The following JAKMIP1 variants were observed in gnomAD, a reference collection of about 807,000 sequenced individuals.
JAKMIP1 encodes the protein janus kinase and microtubule interacting protein 1, also known as janus kinase and microtubule-interacting protein 1.
JAKMIP1 carries 33 observed loss-of-function variants against 113.0 expected under a neutral mutation model. That is an observed-to-expected ratio of 0.29 (90% CI 0.22 to 0.39). The LOEUF (loss-of-function observed/expected upper bound fraction) is 0.39, where lower values mean the gene tolerates loss of function less well. Among genes scored for constraint, JAKMIP1 ranks in the 10% least tolerant of loss-of-function variants. The pLI, the probability that JAKMIP1 is intolerant of heterozygous loss-of-function variation, is 1.00. For missense variants in JAKMIP1, 813 were observed against 1,080.5 expected (o/e 0.75, Z 3.47); for synonymous variants, 480 against 459.9 (o/e 1.04, Z -0.56).
chr4:6,183,397 T>A lies in JAKMIP1; in HGVS notation c.-148+16856A>T, dbSNP rs1726266097. Among the ~76,000 whole-genome samples the A allele has an allele frequency of 1.3e-5, 2 of 151,838 alleles. No individual in the cohort carries two copies. The highest frequency in any genetic ancestry group is 1.3e-4 in the Admixed American group (2 of 15,248). On this transcript the variant is annotated intron_variant, in intron 1 of 20. Transcript: ENST00000409021. The surrounding 1 kb of genome is among the most constrained non-coding windows in gnomAD (Gnocchi z 5.3). ...GGGAGGCCGAGGCAGGAGAGTCGCTTGAACCTGGGAGGCAGAGGTTACAGT... is the reference window on the plus strand; with the variant it reads ...GGGAGGCCGAGGCAGGAGAGTCGCTAGAACCTGGGAGGCAGAGGTTACAGT...
At position 6,184,516 on chromosome 4, in the gene JAKMIP1, T is replaced by C. The variant is rs918210602; in HGVS notation, c.-148+15737A>G. On this transcript the variant is annotated intron_variant, in intron 1 of 20. Coordinates refer to ENST00000409021, the MANE Select transcript of JAKMIP1 (RefSeq NM_001099433.2). The surrounding 1 kb of genome is among the most constrained non-coding windows in gnomAD (Gnocchi z 4.5). ...CCTTCCCTCTTCCTCAAGAAAATAC[T>C]AGAAGCCAAGCACACCCTCCACCCT... Among the ~76,000 whole-genome samples, 6 of 152,248 alleles carry C rather than the reference T, an allele frequency of 3.9e-5. No individual in the cohort carries two copies. The highest frequency in any genetic ancestry group is 1.4e-4 in the African/African-American group (6 of 41,564).
intron 3 of JAKMIP1, among the ~76,000 whole-genome samples, chr4:6,100,850 T>C (rs1408336457): frequency 6.6e-6 from 1 of 152,204 alleles, no homozygotes; most frequent in African/African-American, 2.4e-5. Flanking sequence ...CACATATTTG[T>C]TAGTCATTTA....
chr4:6,169,603 TTGTGTGTGTGTG>T (rs71173413), intron 1 of JAKMIP1, among the ~76,000 whole-genome samples: 41 of 137,376 alleles, frequency 3.0e-4, no homozygotes, highest in Middle Eastern at 3.5e-3. Context: ...CCCTAGGAAA[TTGTGTGTGTGTG>T]TGTGTGTGTG....
rs755827795 is a variant in JAKMIP1 at position 6,150,637 on chromosome 4, C to G, written c.-147-37640G>C. On this transcript the variant is annotated intron_variant, in intron 1 of 20. Coordinates refer to ENST00000409021, the MANE Select transcript of JAKMIP1 (RefSeq NM_001099433.2). The surrounding 1 kb of genome is among the most constrained non-coding windows in gnomAD (Gnocchi z 4.8). ...ACGGGGCCGGCAGCACCTGCATCAG[C>G]GTCTGTCTGGCTTCCTCTTCAAAAC... 1 of 152,246 alleles carries G rather than the reference C, an allele frequency of 6.6e-6. No homozygotes were observed. Among genetic ancestry groups the G allele is most frequent in the East Asian group, 1.9e-4 (1 of 5,192 alleles). The allele number at this position is 152,246 out of a possible 1,614,324, so 9.4% of individuals were successfully genotyped here.
rs1726799475 is a variant in JAKMIP1 at position 6,187,702 on chromosome 4, C to T, written c.-148+12551G>A. ...CTCTAGAACTGTGAGAAATAAATTT[C>T]TATTGTTTATAAGCTATCCAGTCTA... On this transcript the variant is annotated intron_variant, in intron 1 of 20. Coordinates refer to ENST00000409021, the MANE Select transcript of JAKMIP1 (RefSeq NM_001099433.2). This position sits in a 1 kb window ranked among gnomAD's most constrained non-coding sequence, Gnocchi z 4.2. Among the ~76,000 whole-genome samples, 1 of 152,230 alleles carries T rather than the reference C, an allele frequency of 6.6e-6. No individual in the cohort carries two copies. The highest frequency in any genetic ancestry group is 1.5e-5 in the Non-Finnish European group (1 of 68,032).
At chr4:6,120,939 C>T (rs1716622082) in intron 1 of JAKMIP1, among the ~76,000 whole-genome samples, 1 of 152,146 alleles carries the variant, frequency 6.6e-6, no homozygotes, top group South Asian at 2.1e-4. Flanking sequence ...AGTGCTCACA[C>T]CTGTAATCCC....
chr4:6,126,376 A>AACACACACCATGCAGAAACACTCAC (rs1287751613), intron 1 of JAKMIP1, among the ~76,000 whole-genome samples: 3 of 134,806 alleles, frequency 2.2e-5, no homozygotes, highest in African/African-American at 8.6e-5. Flanking sequence ...CACATGCACA[A>AACACACACCATGCAGAAACACTCAC]ACACACATCA....
intron 18 of JAKMIP1, among the ~76,000 whole-genome samples, chr4:6,038,086 A>G (rs1323770311): frequency 2.9e-5 from 4 of 137,932 alleles, no homozygotes; most frequent in East Asian, 2.1e-4. Flanking sequence ...AGGTTAACCC[A>G]GTAGCCCTCC....
rs1380749134 is a variant in JAKMIP1 at position 6,135,397 on chromosome 4, A to T, written c.-147-22400T>A. On this transcript the variant is annotated intron_variant, in intron 1 of 20. Transcript: ENST00000409021. The surrounding 1 kb of genome is among the most constrained non-coding windows in gnomAD (Gnocchi z 4.9). The stretch of plus-strand genomic sequence containing the variant: ...AGGAGAGAGGCTTCGGAAGAAACCA[A>T]CCCTGGTGGCAGCTTGATCTCGGAC... Among the ~76,000 whole-genome samples, 1 of 152,114 alleles carries T rather than the reference A, an allele frequency of 6.6e-6. No homozygotes were observed. The highest frequency in any genetic ancestry group is 1.5e-5 in the Non-Finnish European group (1 of 68,022).
chr4:6,050,578 C>G lies in JAKMIP1; in HGVS notation c.1908G>C (p.Lys636Asn). ...LQLFCHQEGV[K>N]DVNVSELMKK... ...CAGAGGCACCCCCCAGGCACGCTAC[C>G]TTAACTCCTTCCTGGTGACAGAACA... The change falls in exon 14 of 21, where the codon AAG (lysine) becomes AAC (asparagine). Residue 636 changes from lysine (K) to asparagine (N), a missense_variant and splice_region_variant. Around this residue, in one of 2 missense-constraint regions of JAKMIP1, gnomAD observed 273 missense variants for 426.6 expected, o/e 0.64. Transcript: ENST00000409021. The surrounding 1 kb of genome is among the most constrained non-coding windows in gnomAD (Gnocchi z 7.4). 1 of 1,564,334 alleles carries G rather than the reference C, an allele frequency of 6.4e-7. No homozygotes were observed. Among genetic ancestry groups the G allele is most frequent in the Non-Finnish European group, 8.7e-7 (1 of 1,153,878 alleles).
At chr4:6,125,119 G>A (rs1717222458) in intron 1 of JAKMIP1, among the ~76,000 whole-genome samples, 7 of 152,184 alleles carry the variant, frequency 4.6e-5, no homozygotes, top group Admixed American at 3.9e-4. Context: ...TGATGTGGAG[G>A]TCAGGGAGGG....
intron 1 of JAKMIP1, 136 bp from the exon 2 acceptor site, chr4:6,113,133 C>A: frequency 2.5e-6 from 1 of 396,028 alleles, no homozygotes; most frequent in Non-Finnish European, 4.5e-6. Flanking sequence ...TAGAGCCTTC[C>A]CGATGGGGGC....
rs894551965 is a variant in JAKMIP1 at position 6,149,199 on chromosome 4, A to G, written c.-147-36202T>C. On this transcript the variant is annotated intron_variant, in intron 1 of 20. Coordinates refer to ENST00000409021, the MANE Select transcript of JAKMIP1 (RefSeq NM_001099433.2). ...TTTAAAATAAGTAAGCTTTTTAACT[A>G]CATACAATTAAATTAAAATGAGTGA... Among the ~76,000 whole-genome samples the G allele has an allele frequency of 3.3e-5, 5 of 152,364 alleles. No individual in the cohort carries two copies. In the South Asian group the frequency reaches 1.0e-3, roughly 32 times the overall value.
intron 8 of JAKMIP1, among the ~76,000 whole-genome samples, chr4:6,074,593 T>C (rs945214753): frequency 7.2e-5 from 11 of 152,208 alleles, no homozygotes; most frequent in South Asian, 2.1e-4. Flanking sequence ...CTCAAATCCA[T>C]GGCTGCTCAA....
intron 1 of JAKMIP1, among the ~76,000 whole-genome samples, chr4:6,151,277 A>G (rs1721544562): frequency 6.6e-6 from 1 of 152,174 alleles, no homozygotes; most frequent in South Asian, 2.1e-4. Context: ...CACTTTCCCT[A>G]CGGAAAAACT....
At chr4:6,170,590 A>G (rs1004761455) in intron 1 of JAKMIP1, among the ~76,000 whole-genome samples, 15 of 146,142 alleles carry the variant, frequency 1.0e-4, no homozygotes, top group Admixed American at 8.8e-4. Flanking sequence ...TACACCCACC[A>G]TTGTCCTCAA....
In JAKMIP1 at chr4:6,076,497, C is replaced by T. The variant is rs1719714816; in HGVS notation, c.1302+2442G>A. On this transcript the variant is annotated intron_variant, in intron 8 of 20. Transcript: ENST00000409021. The surrounding 1 kb of genome is among the most constrained non-coding windows in gnomAD (Gnocchi z 4.8). ...AATTCAATGAGATTGTTTAAATACC[C>T]ACTCATCTGAGAATCCAGGACCTAG... 6.6e-6 allele frequency among the ~76,000 whole-genome samples: 1 copy of T among 152,032 alleles called. No homozygotes were observed. Among genetic ancestry groups the T allele is most frequent in the Admixed American group, 6.6e-5 (1 of 15,256 alleles).
rs1410550040 is a variant in JAKMIP1 at position 6,158,557 on chromosome 4, A to G, written c.-148+41696T>C. On this transcript the variant is annotated intron_variant, in intron 1 of 20. Transcript: ENST00000409021. This position sits in a 1 kb window ranked among gnomAD's most constrained non-coding sequence, Gnocchi z 5.3. The stretch of plus-strand genomic sequence containing the variant: ...CATGATTCACTGGAAAGAAAGGATG[A>G]GGTATTCCAGAGGGCCTGCGGGAGT... Among the ~76,000 whole-genome samples, 1 of 152,054 alleles carries G rather than the reference A, an allele frequency of 6.6e-6. No individual in the cohort carries two copies. The highest frequency in any genetic ancestry group is 1.5e-5 in the Non-Finnish European group (1 of 68,000).
At chr4:6,190,559 G>T (rs1240401528) in intron 1 of JAKMIP1, among the ~76,000 whole-genome samples, 1 of 152,158 alleles carries the variant, frequency 6.6e-6, no homozygotes, top group Admixed American at 6.5e-5. Context: ...GGTGGTGGAG[G>T]TCCAAGGAGA....
Sources: allele counts gnomAD v4.1 joint callset (sites outside exome capture counted in the v4.1 genomes callset), GRCh38; gene constraint gnomAD v4.1.1; regional missense constraint gnomAD v4.1.1; non-coding constraint Gnocchi (gnomAD v3.1); transcripts MANE v1.5; gene names NCBI Gene and HGNC (gene_info 2026-07-23, HGNC 2026-07-21).